Variants in INTS4 observed in about 807,000 individuals in gnomAD.
The protein encoded by INTS4 is integrator complex subunit 4, also known as MSTP093.
Under a neutral mutation model 119.5 loss-of-function variants are expected in INTS4, and 70 were observed. The observed-to-expected ratio is 0.59, with a 90% CI of 0.48 to 0.71. The LOEUF is 0.71. Among genes scored for constraint, INTS4 ranks in the 30% least tolerant of loss-of-function variants. The pLI, the probability that INTS4 is intolerant of heterozygous loss-of-function variation, is 0.00. For synonymous variants in INTS4, 316 were observed against 419.6 expected, an observed-to-expected ratio of 0.75 and a Z score of 3.02; for missense variants, 867 against 1,173.2, an observed-to-expected ratio of 0.74 and a Z score of 3.81.
At chr11:77,975,601 G>A (rs1409939373) in intron 4 of INTS4, among the ~76,000 whole-genome samples, 2 of 152,058 alleles carry the variant, frequency 1.3e-5, no homozygotes, top group African/African-American at 2.4e-5. Flanking sequence ...CTTCATTACT[G>A]TAGTCTGAAA....
intron 10 of INTS4, among the ~76,000 whole-genome samples, chr11:77,931,090 G>A (rs959287111): frequency 1.2e-4 from 19 of 152,208 alleles, no homozygotes; most frequent in African/African-American, 4.6e-4. Flanking sequence ...AAAGCACAGG[G>A]AATGTAAGAA....
rs566714657 is a variant in INTS4 at position 77,975,837 on chromosome 11, T to C, written c.471+3159A>G. The stretch of plus-strand genomic sequence containing the variant: ...TGGGCGTGGTGGCACGCACCTGTAG[T>C]CCCAGCTACTCGGGAGGCTGAGGCA... On this transcript the variant is annotated intron_variant, in intron 4 of 22. Coordinates refer to ENST00000534064, the MANE Select transcript of INTS4 (RefSeq NM_033547.4). 2.2e-3 allele frequency among the ~76,000 whole-genome samples: 330 copies of C among 151,950 alleles called. 3 individuals carry two copies. The highest frequency in any genetic ancestry group is 0.014 in the South Asian group (68 of 4,810).
chr11:77,898,724 G>T (rs1952640072), intron 18 of INTS4, among the ~76,000 whole-genome samples: 1 of 152,204 alleles, frequency 6.6e-6, no homozygotes, highest in African/African-American at 2.4e-5. Flanking sequence ...TAAAGGCTTT[G>T]CATACAATAA....
At chr11:77,945,076 G>C (rs1423172280) in intron 8 of INTS4, among the ~76,000 whole-genome samples, 1 of 152,218 alleles carries the variant, frequency 6.6e-6, no homozygotes, top group Non-Finnish European at 1.5e-5. Context: ...AATCCCTGTG[G>C]AGCATGGAAG....
chr11:77,922,866 G>C (rs1020584157), intron 12 of INTS4: 2 of 303,818 alleles, frequency 6.6e-6, no homozygotes, highest in Non-Finnish European at 1.3e-5. Context: ...GTTTGCTGGT[G>C]GGCAAGTAAG....
At chr11:77,921,214 T>TA in intron 14 of INTS4, 126 bp downstream of exon 14, 1 of 837,880 alleles carries the variant, frequency 1.2e-6, no homozygotes. Flanking sequence ...GAGGATGGCT[T>TA]AAGCCCAGGA....
intron 8 of INTS4, among the ~76,000 whole-genome samples, chr11:77,945,131 C>G (rs1954017636): frequency 6.6e-6 from 1 of 152,194 alleles, no homozygotes; most frequent in African/African-American, 2.4e-5. Context: ...TTCCTACCTG[C>G]CACACTGTCT....
chr11:77,962,971 C>T lies in INTS4; in HGVS notation c.472-1833G>A, dbSNP rs373929335. The stretch of plus-strand genomic sequence containing the variant: ...CGGAGGTTTCAGTGAGCCAAGATCA[C>T]GCCACTGCACTCCAGCCTGAGCAAC... On this transcript the variant is annotated intron_variant, in intron 4 of 22. Coordinates refer to ENST00000534064, the MANE Select transcript of INTS4 (RefSeq NM_033547.4). Among the ~76,000 whole-genome samples, 51 of 152,156 alleles carry T rather than the reference C, an allele frequency of 3.4e-4. 1 individual carries two copies. The East Asian group carries it at 8.9e-3, about 26-fold the overall frequency.
Position 77,960,948 on chromosome 11 carries a change from T to C in INTS4, c.657+5A>G, listed in dbSNP as rs748010424. ...GCCCCAACTAGTTTCCATAATCACA[T>C]TTACCATGGCTTTTATAGCTGCTGT... is the stretch of plus-strand genomic sequence containing the variant. On this transcript the variant is annotated splice_donor_5th_base_variant and intron_variant, in intron 5 of 22. Transcript: ENST00000534064. 5.0e-5 allele frequency: 80 copies of C among 1,592,040 alleles called. No individual in the cohort carries two copies. The East Asian group carries it at 1.7e-3, about 34-fold the overall frequency.
chr11:77,983,069 G>A (rs1053208744), intron 2 of INTS4, among the ~76,000 whole-genome samples: 1 of 152,218 alleles, frequency 6.6e-6, no homozygotes, highest in African/African-American at 2.4e-5. Flanking sequence ...TAGGTGTGAA[G>A]CCTGGATTCA....
intron 4 of INTS4, among the ~76,000 whole-genome samples, chr11:77,969,326 G>A (rs1855621741): frequency 6.6e-6 from 1 of 152,010 alleles, no homozygotes; most frequent in Admixed American, 6.6e-5. Context: ...CAGATAACAT[G>A]TACAAATCAA....
chr11:77,956,716 T>A (rs12787178), intron 7 of INTS4, among the ~76,000 whole-genome samples: 335 of 2,122 alleles, frequency 0.16, 29 homozygotes, highest in African/African-American at 0.39. Flanking sequence ...CAAAAAATAA[T>A]AATAATAATA....
chr11:77,941,033 C>T, intron 9 of INTS4, 147 bp downstream of exon 9: 2 of 1,216,638 alleles, frequency 1.6e-6, no homozygotes, highest in Non-Finnish European at 2.2e-6. Context: ...TTATTTGCTT[C>T]AATTTACTAA....
intron 21 of INTS4, 41 bp from the exon 22 acceptor site, chr11:77,883,993 G>A (rs1189956865): frequency 6.3e-7 from 1 of 1,596,752 alleles, no homozygotes; most frequent in East Asian, 2.2e-5. Context: ...GAAGCGAGAG[G>A]AGCATTTAAC....
At chr11:77,938,554 G>C in intron 10 of INTS4, 97 bp downstream of exon 10, 13 of 1,490,460 alleles carry the variant, frequency 8.7e-6, no homozygotes, top group Non-Finnish European at 1.2e-5. Flanking sequence ...GTTACTGTGA[G>C]GACTAAATGA....
At chr11:77,984,298 AG>A (rs932027740) in intron 2 of INTS4, among the ~76,000 whole-genome samples, 16 of 152,164 alleles carry the variant, frequency 1.1e-4, no homozygotes, top group African/African-American at 2.4e-4. Context: ...GTTTGAGACC[AG>A]ACTGACCAAC....
chr11:77,980,557 T>C (rs939420684), intron 3 of INTS4, among the ~76,000 whole-genome samples: 8 of 152,104 alleles, frequency 5.3e-5, no homozygotes, highest in African/African-American at 1.9e-4. Flanking sequence ...TTTTTAATAT[T>C]TTGTAGAGAC....
chr11:77,922,399 G>A lies in INTS4; in HGVS notation c.1587C>T (p.His529=), dbSNP rs761315202. ...LPLVPELLST[H]PFFDTAEPDM... Reference sequence around the variant, plus strand: ...CTGGTTCAGCTGTGTCAAAAAATGGGTGGGTGCTCAGAAGCTCTGGCACCA... The same window carrying A: ...CTGGTTCAGCTGTGTCAAAAAATGGATGGGTGCTCAGAAGCTCTGGCACCA... The change falls in exon 13 of 23, where the codon CAC becomes CAT. Residue 529 remains histidine (H), a synonymous_variant. Transcript: ENST00000534064. 6.7e-7 allele frequency: 1 copy of A among 1,493,118 alleles called. No individual in the cohort carries two copies. The highest frequency in any genetic ancestry group is 2.4e-5 in the East Asian group (1 of 42,326). 92.5% of individuals were successfully genotyped at this position (1,493,118 alleles called of 1,614,324 possible).
intron 4 of INTS4, among the ~76,000 whole-genome samples, chr11:77,963,233 T>C (rs552372602): frequency 2.6e-4 from 39 of 151,930 alleles, no homozygotes; most frequent in African/African-American, 8.9e-4. Context: ...GAGAGTCTCA[T>C]GCTCTCAGGG....
Sources: allele counts gnomAD v4.1 joint callset (sites outside exome capture counted in the v4.1 genomes callset), GRCh38; gene constraint gnomAD v4.1.1; transcripts MANE v1.5; gene names NCBI Gene and HGNC (gene_info 2026-07-23, HGNC 2026-07-21).